The following ITPKB variants were observed in gnomAD, a reference collection of about 807,000 sequenced individuals.
The protein encoded by ITPKB is IP3 3-kinase B.
A neutral mutation model predicts 69.4 loss-of-function variants in ITPKB; 13 were observed. The ratio of observed to expected loss-of-function variants is 0.19; its 90% confidence interval spans 0.12 to 0.30. The LOEUF (loss-of-function observed/expected upper bound fraction) is 0.30. Ranked by LOEUF, ITPKB falls within the 10% of genes least tolerant of loss-of-function variation. ITPKB has a pLI of 1.00. For synonymous variants in ITPKB, 584 were observed against 513.7 expected (o/e 1.14, Z -1.85); for missense variants, 1,240 against 1,250.5 (o/e 0.99, Z 0.13).
At chr1:226,661,471 C>T (rs531038504) in intron 2 of ITPKB, among the ~76,000 whole-genome samples, 1 of 152,158 alleles carries the variant, frequency 6.6e-6, no homozygotes, top group Non-Finnish European at 1.5e-5. Flanking sequence ...AGGCTGGCTG[C>T]GGATCCAAGC....
chr1:226,714,875 G>A (rs546166552), intron 2 of ITPKB, among the ~76,000 whole-genome samples: 15 of 152,364 alleles, frequency 9.8e-5, no homozygotes, highest in East Asian at 5.8e-4. Flanking sequence ...AATCAGGGGC[G>A]ATTCTCCCCA....
chr1:226,643,838 C>A (rs1212469934), intron 4 of ITPKB, among the ~76,000 whole-genome samples: 1 of 152,220 alleles, frequency 6.6e-6, no homozygotes. Context: ...CACACACATG[C>A]ACATAAACGC....
chr1:226,670,001 G>A (rs1669582726), intron 2 of ITPKB, among the ~76,000 whole-genome samples: 1 of 151,292 alleles, frequency 6.6e-6, no homozygotes, highest in Non-Finnish European at 1.5e-5. Context: ...AACCTCCTGA[G>A]TAGCCTGGAC....
At chr1:226,686,819 A>T (rs957933338) in intron 2 of ITPKB, among the ~76,000 whole-genome samples, 2 of 152,242 alleles carry the variant, frequency 1.3e-5, no homozygotes, top group African/African-American at 4.8e-5. Flanking sequence ...AAGTGTGCAC[A>T]TGCCACTGTG....
intron 2 of ITPKB, among the ~76,000 whole-genome samples, chr1:226,695,088 G>C (rs747783671): frequency 1.3e-5 from 2 of 152,100 alleles, no homozygotes; most frequent in Admixed American, 6.5e-5. Context: ...AAATTAGCCG[G>C]GTGTGGTGAT....
intron 5 of ITPKB, among the ~76,000 whole-genome samples, chr1:226,640,828 C>G (rs1464865635): frequency 6.6e-6 from 1 of 152,170 alleles, no homozygotes; most frequent in Non-Finnish European, 1.5e-5. Flanking sequence ...AAGCAGCTGT[C>G]CCGGGGGAAG....
rs894070956 is a variant in ITPKB at position 226,637,785 on chromosome 1, C to T, written c.2554-35G>A. 6 of 1,542,250 alleles carry T rather than the reference C, an allele frequency of 3.9e-6. No individual in the cohort carries two copies. Among genetic ancestry groups the T allele is most frequent in the East Asian group, 2.2e-5 (1 of 44,458 alleles). ...GAAAGAGGACCAGATTTTTAAGCGC[C>T]GCGTGGGGAAGGGCAGTGTCAGAAC... On this transcript the variant is annotated intron_variant, in intron 6 of 7. Transcript: ENST00000429204. This position sits in a 1 kb window ranked among gnomAD's most constrained non-coding sequence, Gnocchi z 4.3.
chr1:226,698,469 G>A (rs1264061289), intron 2 of ITPKB, among the ~76,000 whole-genome samples: 5 of 152,194 alleles, frequency 3.3e-5, no homozygotes, highest in African/African-American at 1.2e-4. Flanking sequence ...GTGCCTTCAC[G>A]TTTCATTTTG....
chr1:226,709,391 C>G (rs1656886082), intron 2 of ITPKB, among the ~76,000 whole-genome samples: 1 of 152,160 alleles, frequency 6.6e-6, no homozygotes, highest in Non-Finnish European at 1.5e-5. Context: ...AGGAGGATGT[C>G]CAGTGTCTGG....
chr1:226,676,845 G>A (rs1669743591), intron 2 of ITPKB, among the ~76,000 whole-genome samples: 1 of 152,178 alleles, frequency 6.6e-6, no homozygotes, highest in Non-Finnish European at 1.5e-5. Context: ...GTAGGCTTTT[G>A]GATAATAGGA....
chr1:226,663,359 G>A (rs978269526), intron 2 of ITPKB, among the ~76,000 whole-genome samples: 1 of 151,968 alleles, frequency 6.6e-6, no homozygotes, highest in Non-Finnish European at 1.5e-5. Context: ...TCCCAATCGG[G>A]GCAGACCTTG....
Position 226,736,868 on chromosome 1 carries a change from G to A in ITPKB, c.591C>T (p.Ser197=), listed in dbSNP as rs16846447. Residue 197 remains serine, a synonymous_variant, in exon 2 of 8, where the codon AGC becomes AGT. Transcript: ENST00000429204. ...CCCAGGACTTTGTCCTCCGTTCCTC[G>A]CTCCGGGCGCCCTGAACCAGGACCC... ...PGRVLVQGAR[S]EERRTKSWGE... The A allele has an allele frequency of 3.7e-6, 6 of 1,611,122 alleles. No individual in the cohort carries two copies. The East Asian group carries it at 8.9e-5, about 24-fold the overall frequency.
chr1:226,705,397 C>T (rs190500048), intron 2 of ITPKB, among the ~76,000 whole-genome samples: 5 of 152,168 alleles, frequency 3.3e-5, no homozygotes, highest in East Asian at 3.9e-4. Flanking sequence ...GGCGTGGTGA[C>T]GCGTGCCTGT....
rs1450908680 is a variant in ITPKB, at chr1:226,655,077, A to T, written c.1933-6306T>A. 3.6e-5 allele frequency among the ~76,000 whole-genome samples: 5 copies of T among 139,972 alleles called. No individual in the cohort carries two copies. In the Admixed American group the frequency reaches 3.6e-4, roughly 10 times the overall value. The allele number at this position is 139,972 out of a possible 152,430, so 91.8% of individuals were successfully genotyped here. ...GAAGGAAGAAGAGGAGGTGGGGAGG[A>T]GGGGAGGAGGAAGAGGAGGGCAGGA... On this transcript the variant is annotated intron_variant, in intron 2 of 7. Transcript: ENST00000429204.
At chr1:226,648,861 T>C (rs919505998) in intron 2 of ITPKB, 90 bp from the exon 3 acceptor site, 13 of 908,456 alleles carry the variant, frequency 1.4e-5, no homozygotes, top group African/African-American at 4.9e-5. Context: ...CCTCATTGCC[T>C]GTGGCCACAA....
chr1:226,729,374 C>T (rs548833936), intron 2 of ITPKB, among the ~76,000 whole-genome samples: 4 of 149,244 alleles, frequency 2.7e-5, no homozygotes, highest in Non-Finnish European at 5.9e-5. Context: ...CCCAGCTATT[C>T]GGAAGGCTGA....
chr1:226,636,439 A>T (rs750125217), intron 7 of ITPKB, among the ~76,000 whole-genome samples: 1 of 152,202 alleles, frequency 6.6e-6, no homozygotes, highest in Non-Finnish European at 1.5e-5. Flanking sequence ...CCCCGCAGGG[A>T]ATGACATGCA....
chr1:226,732,101 T>TA (rs1657604967), intron 2 of ITPKB, among the ~76,000 whole-genome samples: 2 of 47,680 alleles, frequency 4.2e-5, no homozygotes, highest in Admixed American at 2.6e-4. Flanking sequence ...CTAGTCAACA[T>TA]CAAAAAAAAA....
intron 2 of ITPKB, among the ~76,000 whole-genome samples, chr1:226,687,955 G>A (rs1171590218): frequency 1.3e-5 from 2 of 152,186 alleles, no homozygotes; most frequent in Non-Finnish European, 2.9e-5. Context: ...GTCTTTGCCA[G>A]GACCAGCCAA....
Sources: allele counts gnomAD v4.1 joint callset (sites outside exome capture counted in the v4.1 genomes callset), GRCh38; gene constraint gnomAD v4.1.1; non-coding constraint Gnocchi (gnomAD v3.1); transcripts MANE v1.5; gene names NCBI Gene and HGNC (gene_info 2026-07-23, HGNC 2026-07-21).